The following ESAM variants were observed in gnomAD, a reference collection of about 807,000 sequenced individuals.
The protein encoded by ESAM is endothelial cell adhesion molecule, also known as endothelial cell-selective adhesion molecule.
In ESAM, 23 loss-of-function variants were observed where a neutral mutation model predicts 31.8. The observed-to-expected ratio is 0.72, with a 90% CI of 0.52 to 1.03. The LOEUF is 1.03. Ranked by LOEUF, ESAM falls within the 50% of genes least tolerant of loss-of-function variation. The pLI is 0.00. For missense variants in ESAM, 478 were observed against 488.9 expected (o/e 0.98, Z 0.21); for synonymous variants, 216 against 207.2 (o/e 1.04, Z -0.37).
chr11:124,760,375 C>A (rs1944213060), intron 1 of ESAM, among the ~76,000 whole-genome samples: 1 of 152,264 alleles, frequency 6.6e-6, no homozygotes, highest in South Asian at 2.1e-4. Context: ...ACAGCCCTCT[C>A]CGAGGCCAGA....
chr11:124,753,386 A>G lies in ESAM; in HGVS notation c.*260T>C. 1 of 488,384 alleles carries G rather than the reference A, an allele frequency of 2.0e-6. No individual in the cohort carries two copies. Among genetic ancestry groups the G allele is most frequent in the Non-Finnish European group, 3.7e-6 (1 of 272,714 alleles). The allele number at this position is 488,384 out of a possible 1,614,324, so 30.3% of individuals were successfully genotyped here. A position where few individuals can be genotyped will look rare whatever the true frequency, so the allele number is the denominator to read the frequency against. ...TGCCCCTCACTCTTGGTGAGTAGCTAATTTCAGCAGCTGGCTTCATAAGGA... is the reference window on the plus strand; with the variant it reads ...TGCCCCTCACTCTTGGTGAGTAGCTGATTTCAGCAGCTGGCTTCATAAGGA... On this transcript the variant is annotated 3_prime_UTR_variant, in exon 7 of 7. Coordinates refer to ENST00000278927, the MANE Select transcript of ESAM (RefSeq NM_138961.3).
chr11:124,756,806 C>T, intron 2 of ESAM, 64 bp from the exon 3 acceptor site: 1 of 1,537,028 alleles, frequency 6.5e-7, no homozygotes, highest in Middle Eastern at 1.7e-4. Context: ...ACAGGCTCAG[C>T]CACTCTCCCT....
At chr11:124,756,123 C>T in intron 4 of ESAM, 84 bp downstream of exon 4, 1 of 1,579,256 alleles carries the variant, frequency 6.3e-7, no homozygotes. Flanking sequence ...GCCTTGGCTC[C>T]CCTTTTCACC....
rs1056913487 is a variant in ESAM at position 124,753,966 on chromosome 11, T to C, written c.858-5A>G. 6.2e-6 allele frequency: 10 copies of C among 1,612,542 alleles called. No homozygotes were observed. The highest frequency in any genetic ancestry group is 8.5e-6 in the Non-Finnish European group (10 of 1,179,622). ...CGGGGAGCAATGGCATCCTCCCTAG[T>C]CATCAAAGAAATAACAAGAGGTCAG... On this transcript the variant is annotated splice_polypyrimidine_tract_variant and splice_region_variant and intron_variant, in intron 6 of 6. Coordinates refer to ENST00000278927, the MANE Select transcript of ESAM (RefSeq NM_138961.3).
Position 124,759,323 on chromosome 11 carries a change from GT to G in ESAM, c.71-797del, listed in dbSNP as rs1944198500. The G allele has an allele frequency of 6.6e-6, 1 of 152,458 alleles. No individual in the cohort carries two copies. Among genetic ancestry groups the G allele is most frequent in the African/African-American group, 2.4e-5 (1 of 41,466 alleles). The allele number at this position is 152,458 out of a possible 1,614,324, so 9.4% of individuals were successfully genotyped here. On this transcript the variant is annotated intron_variant, in intron 1 of 6. Transcript: ENST00000278927. This position sits in a 1 kb window ranked among gnomAD's most constrained non-coding sequence, Gnocchi z 6.8. ...CGGCGCTCAGGGGGTGGACCGGGGT[GT>G]TGGTTTCAAGGAGGGGGCCATCGTT...
intron 1 of ESAM, among the ~76,000 whole-genome samples, chr11:124,761,566 C>G (rs528502500): frequency 1.4e-4 from 22 of 152,106 alleles, no homozygotes; most frequent in Non-Finnish European, 2.8e-4. Flanking sequence ...TCCCTTGATT[C>G]CCAGGGCAGG....
intron 1 of ESAM, among the ~76,000 whole-genome samples, chr11:124,760,890 G>A (rs142100051): frequency 6.6e-6 from 1 of 152,228 alleles, no homozygotes; most frequent in Non-Finnish European, 1.5e-5. Flanking sequence ...GGAAAGGCGG[G>A]ATGAGAAGTC....
In ESAM at chr11:124,759,789, G is replaced by C. The variant is rs979923194; in HGVS notation, c.71-1262C>G. Among the ~76,000 whole-genome samples the C allele has an allele frequency of 6.6e-6, 1 of 152,138 alleles. No individual in the cohort carries two copies. Among genetic ancestry groups the C allele is most frequent in the African/African-American group, 2.4e-5 (1 of 41,452 alleles). Reference sequence around the variant, plus strand: ...GGTCTGGGCAGGAAATTTGTACCCAGTGATAAGGCAGAAGACAATGAAGGG... The same window carrying C: ...GGTCTGGGCAGGAAATTTGTACCCACTGATAAGGCAGAAGACAATGAAGGG... On this transcript the variant is annotated intron_variant, in intron 1 of 6. Transcript: ENST00000278927. This position sits in a 1 kb window ranked among gnomAD's most constrained non-coding sequence, Gnocchi z 6.8.
chr11:124,760,724 G>C (rs1944219383), intron 1 of ESAM, among the ~76,000 whole-genome samples: 1 of 152,254 alleles, frequency 6.6e-6, no homozygotes, highest in Admixed American at 6.5e-5. Context: ...AGGACAAAGG[G>C]TTGCAGATGA....
In ESAM at chr11:124,759,333, AGGAGGG is replaced by A. The variant is rs1294226110; in HGVS notation, c.71-812_71-807del. ...GGGGTGGACCGGGGTGTTGGTTTCA[AGGAGGG>A]GGCCATCGTTTGCACCACGGCGTCC... On this transcript the variant is annotated intron_variant, in intron 1 of 6. Coordinates refer to ENST00000278927, the MANE Select transcript of ESAM (RefSeq NM_138961.3). This position sits in a 1 kb window ranked among gnomAD's most constrained non-coding sequence, Gnocchi z 6.8. 1 of 152,416 alleles carries A rather than the reference AGGAGGG, an allele frequency of 6.6e-6. No homozygotes were observed. Among genetic ancestry groups the A allele is most frequent in the Non-Finnish European group, 1.5e-5 (1 of 68,230 alleles). 9.4% of individuals were successfully genotyped at this position (152,416 alleles called of 1,614,324 possible). A position where few individuals can be genotyped will look rare whatever the true frequency, so the allele number is the denominator to read the frequency against.
chr11:124,757,223 G>A (rs1470103131), intron 2 of ESAM: 1 of 174,022 alleles, frequency 5.7e-6, no homozygotes, highest in African/African-American at 2.4e-5. Context: ...TTGAGTCCAA[G>A]AGTTCAAGAC....
chr11:124,761,613 G>T (rs775801886), intron 1 of ESAM, among the ~76,000 whole-genome samples: 90 of 152,316 alleles, frequency 5.9e-4, no homozygotes, highest in Middle Eastern at 3.4e-3. Flanking sequence ...CTGCGCTGGG[G>T]AATTGACACG....
rs1944195006 is a variant in ESAM, at chr11:124,759,136, A to T, written c.71-609T>A. 1 of 152,298 alleles carries T rather than the reference A, an allele frequency of 6.6e-6. No homozygotes were observed. The highest frequency in any genetic ancestry group is 1.5e-5 in the Non-Finnish European group (1 of 68,122). 9.4% of individuals were successfully genotyped at this position (152,298 alleles called of 1,614,324 possible). A position where few individuals can be genotyped will look rare whatever the true frequency, so the allele number is the denominator to read the frequency against. ...TCCCCGCCCTCCCGCGCAATCTCAG[A>T]GGCGGGCTTCCCTCGGAAAACGGAG... On this transcript the variant is annotated intron_variant, in intron 1 of 6. Transcript: ENST00000278927. This position sits in a 1 kb window ranked among gnomAD's most constrained non-coding sequence, Gnocchi z 6.8.
Position 124,762,221 on chromosome 11 carries a change from G to A in ESAM, c.-67C>T. ...GGACGCACGGACCTGCAGGTGCCGA[G>A]GCTGCGCGACGGCCGGAGCGTGCGC... On this transcript the variant is annotated 5_prime_UTR_variant, in exon 1 of 7. Coordinates refer to ENST00000278927, the MANE Select transcript of ESAM (RefSeq NM_138961.3). This position sits in a 1 kb window ranked among gnomAD's most constrained non-coding sequence, Gnocchi z 6.4. 1 of 1,312,310 alleles carries A rather than the reference G, an allele frequency of 7.6e-7. No homozygotes were observed. The highest frequency in any genetic ancestry group is 1.0e-6 in the Non-Finnish European group (1 of 969,082). 81.3% of individuals were successfully genotyped at this position (1,312,310 alleles called of 1,614,324 possible).
chr11:124,754,887 G>T lies in ESAM; in HGVS notation c.608-124C>A. On this transcript the variant is annotated intron_variant, in intron 4 of 6. Transcript: ENST00000278927. The surrounding 1 kb of genome is among the most constrained non-coding windows in gnomAD (Gnocchi z 4.5). Reference sequence around the variant, plus strand: ...GGGAGTCACGGCTTGTCTATTCCCTGATGGGGGGAGAGGTGTGACAGCTGG... The same window carrying T: ...GGGAGTCACGGCTTGTCTATTCCCTTATGGGGGGAGAGGTGTGACAGCTGG... 1 of 1,285,100 alleles carries T rather than the reference G, an allele frequency of 7.8e-7. No individual in the cohort carries two copies. Among genetic ancestry groups the T allele is most frequent in the Non-Finnish European group, 1.1e-6 (1 of 949,838 alleles). 79.6% of individuals were successfully genotyped at this position (1,285,100 alleles called of 1,614,324 possible).
chr11:124,758,634 G>T lies in ESAM; in HGVS notation c.71-107C>A. The T allele has an allele frequency of 3.7e-6, 5 of 1,340,204 alleles. No homozygotes were observed. In the South Asian group the frequency reaches 4.6e-5, roughly 12 times the overall value. 83.0% of individuals were successfully genotyped at this position (1,340,204 alleles called of 1,614,324 possible). ...AGAGCGAGGAAAGTCGCTTTAACTG[G>T]AAAGAGGAACCTTGCGGGGTCCGGC... On this transcript the variant is annotated intron_variant, in intron 1 of 6. Transcript: ENST00000278927.
At chr11:124,757,998 C>A (rs1437385617) in intron 2 of ESAM, among the ~76,000 whole-genome samples, 2 of 152,144 alleles carry the variant, frequency 1.3e-5, no homozygotes, top group Non-Finnish European at 2.9e-5. Context: ...TGAGTCAGGC[C>A]AGAAATATGC....
intron 4 of ESAM, among the ~76,000 whole-genome samples, chr11:124,755,281 A>C (rs1944140378): frequency 6.6e-6 from 1 of 152,144 alleles, no homozygotes; most frequent in Non-Finnish European, 1.5e-5. Context: ...GCATTAGGAG[A>C]TATAGCTAAT....
At chr11:124,756,180 G>A (rs1944151142) in intron 4 of ESAM, 27 bp downstream of exon 4, 1 of 1,612,384 alleles carries the variant, frequency 6.2e-7, no homozygotes, top group South Asian at 1.1e-5. Context: ...CAGCCACAGT[G>A]TCCACTGTTT....
Sources: allele counts gnomAD v4.1 joint callset (sites outside exome capture counted in the v4.1 genomes callset), GRCh38; gene constraint gnomAD v4.1.1; non-coding constraint Gnocchi (gnomAD v3.1); transcripts MANE v1.5; gene names NCBI Gene and HGNC (gene_info 2026-07-23, HGNC 2026-07-21).